The following ERC2 variants were observed in gnomAD, a reference collection of about 807,000 sequenced individuals.
The protein encoded by ERC2 is ERC protein 2.
ERC2 carries 42 observed loss-of-function variants against 114.8 expected under a neutral mutation model. The ratio of observed to expected loss-of-function variants is 0.37; its 90% CI spans 0.29 to 0.47. The LOEUF (loss-of-function observed/expected upper bound fraction) is 0.47. ERC2 is among the 20% of genes least tolerant of loss of function. ERC2 has a pLI of 0.99. For synonymous variants in ERC2, 454 were observed against 425.5 expected (o/e 1.07, Z -0.82); for missense variants, 939 against 1,150.7 (o/e 0.82, Z 2.66).
chr3:55,879,758 T>A (rs914161478), intron 14 of ERC2, among the ~76,000 whole-genome samples: 1 of 152,206 alleles, frequency 6.6e-6, no homozygotes, highest in Non-Finnish European at 1.5e-5. Flanking sequence ...TTGCCCCCAA[T>A]ATCCATTCTT....
At chr3:56,376,758 G>C (rs2059558564) in intron 2 of ERC2, among the ~76,000 whole-genome samples, 1 of 39,976 alleles carries the variant, frequency 2.5e-5, no homozygotes, top group Non-Finnish European at 6.8e-5. Context: ...GCAAGACTCT[G>C]TCTCAAAAAA....
intron 17 of ERC2, among the ~76,000 whole-genome samples, chr3:55,649,550 G>T (rs995275213): frequency 6.6e-6 from 1 of 152,068 alleles, no homozygotes; most frequent in Admixed American, 6.6e-5. Context: ...GTGAGCCACC[G>T]CACCTGGCCA....
chr3:56,331,348 T>C (rs906559400), intron 2 of ERC2, among the ~76,000 whole-genome samples: 3 of 152,174 alleles, frequency 2.0e-5, no homozygotes, highest in African/African-American at 4.8e-5. Context: ...TTTCCACCCA[T>C]TGACCTCCTC....
chr3:56,200,079 A>G (rs200978841), intron 3 of ERC2, among the ~76,000 whole-genome samples: 1 of 47,158 alleles, frequency 2.1e-5, no homozygotes, highest in Non-Finnish European at 5.3e-5. Flanking sequence ...TGGATTGAAT[A>G]CCTATCTCTC....
At chr3:55,583,280 A>C (rs1400089863) in intron 17 of ERC2, among the ~76,000 whole-genome samples, 1 of 152,072 alleles carries the variant, frequency 6.6e-6, no homozygotes, top group Non-Finnish European at 1.5e-5. Flanking sequence ...AAGAAATCAC[A>C]ATGTAAAGTC....
rs1299767765 is a variant in ERC2 at position 55,866,739 on chromosome 3, T to TTATTGGCAACAA, written c.2564+21649_2564+21650insTTGTTGCCAATA. ...AGCCACATTACCAATAATGTCTTCC[T>TTATTGGCAACAA]TAATGGCAACAATATTTGAGTATGC... On this transcript the variant is annotated intron_variant, in intron 14 of 17. Coordinates refer to ENST00000288221, the MANE Select transcript of ERC2 (RefSeq NM_015576.3). Among the ~76,000 whole-genome samples the TTATTGGCAACAA allele has an allele frequency of 9.8e-5, 15 of 152,308 alleles. 1 individual carries two copies. Among genetic ancestry groups the TTATTGGCAACAA allele is most frequent in the South Asian group, 4.1e-4 (2 of 4,830 alleles).
intron 2 of ERC2, among the ~76,000 whole-genome samples, chr3:56,315,862 A>G (rs1179802791): frequency 6.6e-6 from 1 of 152,088 alleles, no homozygotes; most frequent in African/African-American, 2.4e-5. Context: ...TCCCAACAGG[A>G]AAGTATAGAA....
At position 55,741,157 on chromosome 3, in the gene ERC2, C is replaced by T. The variant is rs980768044; in HGVS notation, c.2565-6239G>A. Among the ~76,000 whole-genome samples, 8 of 152,200 alleles carry T rather than the reference C, an allele frequency of 5.3e-5. No individual in the cohort carries two copies. In the South Asian group the frequency reaches 1.0e-3, roughly 20 times the overall value. On this transcript the variant is annotated intron_variant, in intron 14 of 17. Transcript: ENST00000288221. The stretch of plus-strand genomic sequence containing the variant: ...TATACTGAATATAATTTTATAAAAA[C>T]GAATTTCATTTTGCTATCCCTACGT...
chr3:56,016,997 A>G (rs1466539541), intron 8 of ERC2, among the ~76,000 whole-genome samples: 4 of 152,220 alleles, frequency 2.6e-5, no homozygotes, highest in Admixed American at 2.6e-4. Context: ...GTGCTGCAGG[A>G]TCAAAAATGA....
chr3:56,432,374 T>A (rs2061830275), intron 2 of ERC2, among the ~76,000 whole-genome samples: 1 of 152,096 alleles, frequency 6.6e-6, no homozygotes, highest in Admixed American at 6.5e-5. Context: ...TCCAAAAAAT[T>A]AAAATGAAGA....
intron 17 of ERC2, among the ~76,000 whole-genome samples, chr3:55,583,495 CCTT>C: frequency 2.1e-5 from 1 of 47,782 alleles, no homozygotes; most frequent in Non-Finnish European, 3.9e-5. Context: ...ATCCCTCTCT[CCTT>C]CCCTCCCTCC....
chr3:56,050,529 G>C (rs539749857), intron 7 of ERC2, among the ~76,000 whole-genome samples: 3 of 152,106 alleles, frequency 2.0e-5, no homozygotes, highest in Non-Finnish European at 4.4e-5. Context: ...TTTCCACCCT[G>C]CCTGTTTACT....
chr3:56,336,879 A>G (rs543415114), intron 2 of ERC2, among the ~76,000 whole-genome samples: 2 of 152,210 alleles, frequency 1.3e-5, no homozygotes, highest in South Asian at 2.1e-4. Context: ...TTCTCTACAC[A>G]TTTAAGAGTT....
intron 3 of ERC2, among the ~76,000 whole-genome samples, chr3:56,217,719 C>T (rs1335353463): frequency 1.6e-4 from 24 of 152,156 alleles, no homozygotes; most frequent in African/African-American, 4.6e-4. Context: ...GGAGGCATCA[C>T]GCTACCTGAC....
At chr3:55,893,091 C>T (rs1484079248) in intron 13 of ERC2, among the ~76,000 whole-genome samples, 1 of 152,114 alleles carries the variant, frequency 6.6e-6, no homozygotes, top group Admixed American at 6.5e-5. Context: ...GTTTGCAACC[C>T]AGGAGAGGGC....
intron 2 of ERC2, among the ~76,000 whole-genome samples, chr3:56,351,295 T>C (rs1047529769): frequency 9.2e-5 from 14 of 152,022 alleles, no homozygotes; most frequent in Non-Finnish European, 1.5e-4. Flanking sequence ...CGAAGGAAAA[T>C]TAAGCAGAAC....
intron 13 of ERC2, among the ~76,000 whole-genome samples, chr3:55,939,496 A>T (rs553099166): frequency 3.3e-5 from 5 of 152,370 alleles, no homozygotes; most frequent in African/African-American, 1.2e-4. Flanking sequence ...TAACATGTTA[A>T]TATGCACAGT....
At chr3:56,245,995 C>T (rs2051672711) in intron 3 of ERC2, among the ~76,000 whole-genome samples, 1 of 151,006 alleles carries the variant, frequency 6.6e-6, no homozygotes, top group Admixed American at 6.6e-5. Flanking sequence ...AGTCCACCAG[C>T]TTTTATGTCC....
At chr3:56,020,489 T>TAA (rs2073634921) in intron 7 of ERC2, among the ~76,000 whole-genome samples, 1 of 152,192 alleles carries the variant, frequency 6.6e-6, no homozygotes, top group South Asian at 2.1e-4. Context: ...TCAGAAGGCA[T>TAA]AATCATCTCC....
Sources: gnomAD v4.1 joint callset for allele counts (sites outside exome capture counted in the v4.1 genomes callset) on GRCh38, gnomAD v4.1.1 for gene constraint, MANE v1.5 for transcripts, NCBI Gene and HGNC (gene_info 2026-07-23, HGNC 2026-07-21) for gene names.